The following EBF1 variants were observed in gnomAD, a reference collection of about 807,000 sequenced individuals.
EBF1 encodes transcription factor COE1.
In EBF1, 10 loss-of-function variants were observed where a neutral mutation model predicts 68.4. The ratio of observed to expected loss-of-function variants is 0.15; its 90% CI spans 0.09 to 0.25. The LOEUF (loss-of-function observed/expected upper bound fraction) is 0.25, where lower values mean the gene tolerates loss of function less well. Among genes scored for constraint, EBF1 ranks in the 10% least tolerant of loss-of-function variants. The pLI is 1.00. For synonymous variants in EBF1, 298 were observed against 299.8 expected (o/e 0.99, Z 0.06); for missense variants, 509 against 794.4 (o/e 0.64, Z 4.32).
chr5:158,910,731 T>C (rs1054575230), intron 6 of EBF1, among the ~76,000 whole-genome samples: 9 of 152,304 alleles, frequency 5.9e-5, no homozygotes, highest in African/African-American at 2.2e-4. Flanking sequence ...AACCTGGAGA[T>C]TGTGAGCCCT....
At chr5:158,821,177 C>T (rs964693657) in intron 8 of EBF1, among the ~76,000 whole-genome samples, 25 of 152,138 alleles carry the variant, frequency 1.6e-4, no homozygotes, top group African/African-American at 5.6e-4. Context: ...CAGATCATCA[C>T]CTTCATTTTA....
At chr5:158,780,542 TTA>T (rs1776245538) in intron 9 of EBF1, among the ~76,000 whole-genome samples, 2 of 152,304 alleles carry the variant, frequency 1.3e-5, no homozygotes, top group East Asian at 1.9e-4. Context: ...AAAGAAAACT[TTA>T]TGTCACTACC....
intron 6 of EBF1, among the ~76,000 whole-genome samples, chr5:158,903,291 T>C (rs1803846715): frequency 6.6e-6 from 1 of 152,254 alleles, no homozygotes; most frequent in Non-Finnish European, 1.5e-5. Context: ...CTTGGGGTAT[T>C]TTCCATAAAT....
chr5:158,926,370 T>G (rs111353010), intron 6 of EBF1, among the ~76,000 whole-genome samples: 4 of 152,300 alleles, frequency 2.6e-5, no homozygotes, highest in African/African-American at 7.2e-5. Flanking sequence ...AACAATGACA[T>G]CACCATACAC....
chr5:158,992,645 G>A (rs1760569797), intron 6 of EBF1, among the ~76,000 whole-genome samples: 1 of 152,156 alleles, frequency 6.6e-6, no homozygotes, highest in Non-Finnish European at 1.5e-5. Flanking sequence ...TGCTGATGCT[G>A]AGAAAATATA....
chr5:158,782,141 C>A (rs1776559692), intron 9 of EBF1, among the ~76,000 whole-genome samples: 1 of 152,154 alleles, frequency 6.6e-6, no homozygotes, highest in Admixed American at 6.6e-5. Flanking sequence ...TCTACTTGTT[C>A]TTGAAGACCC....
At chr5:158,763,323 A>G (rs12654346) in intron 10 of EBF1, among the ~76,000 whole-genome samples, 1 of 152,194 alleles carries the variant, frequency 6.6e-6, no homozygotes, top group Non-Finnish European at 1.5e-5. Flanking sequence ...AATATGATCC[A>G]CCAGTTCCAA....
intron 5 of EBF1, among the ~76,000 whole-genome samples, chr5:159,081,211 G>A (rs1325223253): frequency 6.6e-6 from 1 of 152,104 alleles, no homozygotes; most frequent in Non-Finnish European, 1.5e-5. Context: ...TTGAACTCCT[G>A]GGCTCAAACA....
intron 6 of EBF1, among the ~76,000 whole-genome samples, chr5:158,938,838 T>C (rs1038663003): frequency 1.3e-5 from 2 of 152,154 alleles, no homozygotes; most frequent in African/African-American, 2.4e-5. Context: ...AAATAATGAA[T>C]ATTGGAAAGA....
At chr5:159,066,434 A>G (rs1015090983) in intron 6 of EBF1, among the ~76,000 whole-genome samples, 4 of 152,134 alleles carry the variant, frequency 2.6e-5, no homozygotes, top group African/African-American at 9.7e-5. Flanking sequence ...AAGCACACAG[A>G]AGACCACTCT....
chr5:158,857,998 G>A (rs962801347), intron 6 of EBF1, among the ~76,000 whole-genome samples: 1 of 152,086 alleles, frequency 6.6e-6, no homozygotes, highest in African/African-American at 2.4e-5. Flanking sequence ...CTGCAGAAAT[G>A]TGTTAAAACT....
chr5:158,746,257 G>T (rs1767541484), intron 10 of EBF1, among the ~76,000 whole-genome samples: 1 of 152,264 alleles, frequency 6.6e-6, no homozygotes, highest in Non-Finnish European at 1.5e-5. Context: ...AGTGACAATT[G>T]GTTAAATTCT....
chr5:158,867,066 C>A (rs1796051740), intron 6 of EBF1, among the ~76,000 whole-genome samples: 1 of 151,852 alleles, frequency 6.6e-6, no homozygotes, highest in Non-Finnish European at 1.5e-5. Context: ...ACATGCAGCA[C>A]TAGGAACCAT....
chr5:158,802,471 C>A (rs1248655112), intron 8 of EBF1, among the ~76,000 whole-genome samples: 2 of 152,078 alleles, frequency 1.3e-5, no homozygotes, highest in African/African-American at 4.8e-5. Flanking sequence ...GGAAAACGTG[C>A]ACACTCTCCT....
intron 6 of EBF1, among the ~76,000 whole-genome samples, chr5:158,920,555 G>A (rs887091057): frequency 8.5e-5 from 13 of 152,136 alleles, no homozygotes; most frequent in Non-Finnish European, 1.5e-5. Flanking sequence ...TGTGCAGCAG[G>A]CAATGCCAAG....
chr5:158,967,771 C>T (rs551737748), intron 6 of EBF1, among the ~76,000 whole-genome samples: 36 of 152,300 alleles, frequency 2.4e-4, no homozygotes, highest in African/African-American at 7.9e-4. Context: ...TGCTTCTGAA[C>T]ACCCATGAAG....
intron 6 of EBF1, among the ~76,000 whole-genome samples, chr5:159,039,687 GA>G (rs1770795304): frequency 6.6e-6 from 1 of 152,230 alleles, no homozygotes; most frequent in Non-Finnish European, 1.5e-5. Flanking sequence ...GTTTTGTCAT[GA>G]AACTTAAAAC....
At chr5:159,056,917 A>C (rs2127845124) in intron 6 of EBF1, among the ~76,000 whole-genome samples, 1 of 152,270 alleles carries the variant, frequency 6.6e-6, no homozygotes, top group South Asian at 2.1e-4. Context: ...TTGATGAAAT[A>C]CCTCTGGCAA....
chr5:158,902,142 G>C (rs1173079766), intron 6 of EBF1, among the ~76,000 whole-genome samples: 1 of 152,124 alleles, frequency 6.6e-6, no homozygotes, highest in East Asian at 1.9e-4. Flanking sequence ...TAACTTGACA[G>C]TATACTGCTT....
Sources: allele counts gnomAD v4.1 joint callset (sites outside exome capture counted in the v4.1 genomes callset), GRCh38; gene constraint gnomAD v4.1.1; transcripts MANE v1.5; gene names NCBI Gene and HGNC (gene_info 2026-07-23, HGNC 2026-07-21).